The following AR variants were observed in gnomAD, a reference collection of about 807,000 sequenced individuals.
AR encodes the protein dihydrotestosterone receptor.
Under a neutral mutation model 53.9 loss-of-function variants are expected in AR, and 8 were observed. That is an observed-to-expected ratio of 0.15 (90% CI 0.09 to 0.27). The LOEUF is 0.27. Ranked by LOEUF, AR falls within the 10% of genes least tolerant of loss-of-function variation. The pLI, the probability that AR is intolerant of heterozygous loss-of-function variation, is 1.00. For synonymous variants in AR, 359 were observed against 316.4 expected (o/e 1.13, Z -1.43); for missense variants, 639 against 742.5 (o/e 0.86, Z 1.62).
rs753076260 is a variant in AR at position 67,634,870 on chromosome X, T to C, written c.1617-8386T>C. 7.2e-5 allele frequency among the ~76,000 whole-genome samples: 8 copies of C among 111,886 alleles called. No individual in the cohort carries two copies. In the Admixed American group the frequency reaches 7.6e-4, roughly 11 times the overall value. ...ATGTGATTAATAAAATATATTTTGT[T>C]ACTAAACACAAGGAAAAATATTATG... On this transcript the variant is annotated intron_variant, in intron 1 of 7. Transcript: ENST00000374690.
chrX:67,544,159 G>A lies in AR; in HGVS notation c.-988G>A, dbSNP rs1929596141. 1 of 138,845 alleles carries A rather than the reference G, an allele frequency of 7.2e-6. No homozygotes were observed. Among genetic ancestry groups the A allele is most frequent in the Non-Finnish European group, 1.5e-5 (1 of 68,753 alleles). The allele number at this position is 138,845 out of a possible 1,213,427, so 11.4% of individuals were successfully genotyped here. A position where few individuals can be genotyped will look rare whatever the true frequency, so the allele number is the denominator to read the frequency against. ...AGTGCTGTACAGGAGCCGAAGGGAC[G>A]CACCACGCCAGCCCCAGCCCGGCTC... On this transcript the variant is annotated 5_prime_UTR_variant, in exon 1 of 8. Coordinates refer to ENST00000374690, the MANE Select transcript of AR (RefSeq NM_000044.6).
At chrX:67,568,456 C>T (rs1307431296) in intron 1 of AR, among the ~76,000 whole-genome samples, 2 of 111,552 alleles carry the variant, frequency 1.8e-5, no homozygotes, top group Non-Finnish European at 3.8e-5. Flanking sequence ...AGGGCTTCTG[C>T]TCCCAGGTCA....
At chrX:67,653,653 T>C (rs1398855313) in intron 2 of AR, among the ~76,000 whole-genome samples, 2 of 111,400 alleles carry the variant, frequency 1.8e-5, no homozygotes, top group African/African-American at 3.3e-5. Flanking sequence ...TGGCTCTTTG[T>C]ACCTTGCTCC....
intron 1 of AR, among the ~76,000 whole-genome samples, chrX:67,558,571 C>T (rs1302986005): frequency 3.6e-5 from 4 of 111,415 alleles, no homozygotes; most frequent in Non-Finnish European, 5.6e-5. Flanking sequence ...TGATCCTCAC[C>T]AAATAGGTGG....
At chrX:67,559,286 C>T (rs910075867) in intron 1 of AR, among the ~76,000 whole-genome samples, 1 of 112,050 alleles carries the variant, frequency 8.9e-6, no homozygotes, top group Non-Finnish European at 1.9e-5. Context: ...ATTCCTCCTC[C>T]GTATTGTTCT....
chrX:67,646,887 A>G (rs1271402858), intron 2 of AR, among the ~76,000 whole-genome samples: 3 of 111,389 alleles, frequency 2.7e-5, no homozygotes, highest in Non-Finnish European at 5.6e-5. Context: ...GACTAATCCC[A>G]GATCCTAATC....
At chrX:67,596,227 G>A (rs187966081) in intron 1 of AR, among the ~76,000 whole-genome samples, 3 of 109,292 alleles carry the variant, frequency 2.7e-5, no homozygotes, top group Non-Finnish European at 5.7e-5. Context: ...AAAGCCATGA[G>A]CCAATTAAAC....
chrX:67,564,467 G>T (rs1210639763), intron 1 of AR, among the ~76,000 whole-genome samples: 7 of 112,060 alleles, frequency 6.2e-5, no homozygotes, highest in African/African-American at 2.3e-4. Flanking sequence ...GTCATTATTG[G>T]TATGTTCAGG....
At chrX:67,583,090 C>T (rs1488557672) in intron 1 of AR, among the ~76,000 whole-genome samples, 1 of 111,573 alleles carries the variant, frequency 9.0e-6, no homozygotes, top group Admixed American at 9.5e-5. Context: ...ACCCTTGAGA[C>T]TCCTCTCTGC....
At chrX:67,598,282 TG>T (rs1360643522) in intron 1 of AR, among the ~76,000 whole-genome samples, 7 of 107,870 alleles carry the variant, frequency 6.5e-5, no homozygotes, top group South Asian at 8.2e-4. Flanking sequence ...TTTGTAGCAA[TG>T]TTTTTTTTTT....
At chrX:67,696,661 C>A (rs756282643) in intron 3 of AR, among the ~76,000 whole-genome samples, 8 of 111,368 alleles carry the variant, frequency 7.2e-5, no homozygotes, top group African/African-American at 2.3e-4. Context: ...AATCAAGGAG[C>A]CTTCTTGCCT....
At chrX:67,566,234 C>A (rs1241356422) in intron 1 of AR, among the ~76,000 whole-genome samples, 1 of 111,421 alleles carries the variant, frequency 9.0e-6, no homozygotes, top group African/African-American at 3.3e-5. Context: ...TCCTGAGTAC[C>A]AACTTTCTAT....
At chrX:67,626,625 TA>T in intron 1 of AR, among the ~76,000 whole-genome samples, 1 of 99,976 alleles carries the variant, frequency 1.0e-5, no homozygotes, top group Non-Finnish European at 2.0e-5. Context: ...TATATATATA[TA>T]TATATATATT....
At chrX:67,664,692 C>T (rs375714352) in intron 2 of AR, among the ~76,000 whole-genome samples, 4 of 112,341 alleles carry the variant, frequency 3.6e-5, no homozygotes, top group African/African-American at 6.5e-5. Flanking sequence ...GCCTTTTGTT[C>T]GGCTATGCCC....
intron 1 of AR, among the ~76,000 whole-genome samples, chrX:67,635,058 CA>C (rs1925362582): frequency 1.8e-5 from 2 of 108,253 alleles, no homozygotes; most frequent in Admixed American, 1.0e-4. Flanking sequence ...CCGCAACCCC[CA>C]CATGTATTTA....
At position 67,624,904 on chromosome X, in the gene AR, CAAAAAAAAAAAA is replaced by C. The variant is rs140323582; in HGVS notation, c.1617-18333_1617-18322del. On this transcript the variant is annotated intron_variant, in intron 1 of 7. Transcript: ENST00000374690. ...GTAGATTCAAGTCAAGGCAATTAGGCAAAAAAAAAAAAAAAAAAAAAAAAAAAAAAGAAAGAG... is the reference window on the plus strand; with the variant it reads ...GTAGATTCAAGTCAAGGCAATTAGGCAAAAAAAAAAAAAAAAAAGAAAGAG... Among the ~76,000 whole-genome samples, 64 of 18,196 alleles carry C rather than the reference CAAAAAAAAAAAA, an allele frequency of 3.5e-3. 1 individual carries two copies. The highest frequency in any genetic ancestry group is 0.053 in the Middle Eastern group (1 of 19). 15.8% of individuals were successfully genotyped at this position (18,196 alleles called of 115,157 possible).
chrX:67,547,679 C>T (rs1001014710), intron 1 of AR, among the ~76,000 whole-genome samples: 2 of 111,989 alleles, frequency 1.8e-5, no homozygotes, highest in South Asian at 3.7e-4. Flanking sequence ...AAAGCATTTC[C>T]TGCTATTTCA....
At chrX:67,694,163 A>G (rs1023058538) in intron 3 of AR, among the ~76,000 whole-genome samples, 10 of 111,689 alleles carry the variant, frequency 9.0e-5, no homozygotes, top group African/African-American at 1.9e-4. Flanking sequence ...AGGCACACAG[A>G]CATTAATTTC....
At chrX:67,677,591 C>T (rs1176937360) in intron 2 of AR, among the ~76,000 whole-genome samples, 3 of 111,934 alleles carry the variant, frequency 2.7e-5, no homozygotes, top group African/African-American at 9.7e-5. Context: ...AATATAGCCT[C>T]TTATAAATCG....
Sources: allele counts gnomAD v4.1 joint callset (sites outside exome capture counted in the v4.1 genomes callset), GRCh38; gene constraint gnomAD v4.1.1; transcripts MANE v1.5; gene names NCBI Gene and HGNC (gene_info 2026-07-23, HGNC 2026-07-21).